RABGAP1L: variants seen among roughly 807,000 people sequenced by gnomAD.
RABGAP1L encodes the protein RAB GTPase activating protein 1 like.
In RABGAP1L, 63 loss-of-function variants were observed where a neutral mutation model predicts 137.7. That is an observed-to-expected ratio of 0.46 (90% CI 0.37 to 0.56). The LOEUF (loss-of-function observed/expected upper bound fraction) is 0.56, where lower values mean the gene tolerates loss of function less well. RABGAP1L is among the 20% of genes least tolerant of loss of function. The pLI, the probability that RABGAP1L is intolerant of heterozygous loss-of-function variation, is 0.00. For missense variants in RABGAP1L, 1,095 were observed against 1,244.0 expected, an observed-to-expected ratio of 0.88 and a Z score of 1.80; for synonymous variants, 431 against 433.7, an observed-to-expected ratio of 0.99 and a Z score of 0.08.
chr1:174,264,318 A>G (rs1673860466), intron 7 of RABGAP1L, among the ~76,000 whole-genome samples: 1 of 152,074 alleles, frequency 6.6e-6, no homozygotes, highest in African/African-American at 2.4e-5. Flanking sequence ...CCTGCTTTTA[A>G]GGCTAATTTT....
chr1:174,793,208 A>G (rs1336656117), intron 18 of RABGAP1L, among the ~76,000 whole-genome samples: 2 of 152,160 alleles, frequency 1.3e-5, no homozygotes, highest in African/African-American at 4.8e-5. Context: ...ACCATAAGAC[A>G]TTCTTACATT....
intron 13 of RABGAP1L, among the ~76,000 whole-genome samples, chr1:174,469,191 T>A (rs988387640): frequency 2.6e-5 from 4 of 152,182 alleles, no homozygotes; most frequent in Admixed American, 6.6e-5. Flanking sequence ...TGATTTGTAG[T>A]CCCAGGTAAT....
chr1:174,946,936 A>ATGTGTGTGTGTG lies in RABGAP1L; in HGVS notation c.2341-10520_2341-10519insGTGTGTGTGTGT, dbSNP rs1311067728. Among the ~76,000 whole-genome samples, 3 of 65,064 alleles carry ATGTGTGTGTGTG rather than the reference A, an allele frequency of 4.6e-5. 1 individual carries two copies. Among genetic ancestry groups the ATGTGTGTGTGTG allele is most frequent in the African/African-American group, 2.4e-4 (3 of 12,310 alleles). 42.7% of individuals were successfully genotyped at this position (65,064 alleles called of 152,430 possible). On this transcript the variant is annotated intron_variant, in intron 19 of 25. Coordinates refer to ENST00000681986, the MANE Select transcript of RABGAP1L (RefSeq NM_001366446.1). ...AAAAAAAATATATATATATATATATATATATGTGTGTGTGTGTGTGTGTGT... is the reference window on the plus strand; with the variant it reads ...AAAAAAAATATATATATATATATATATGTGTGTGTGTGTATATGTGTGTGTGTGTGTGTGTGT...
At chr1:174,459,443 C>T (rs1039410905) in intron 13 of RABGAP1L, among the ~76,000 whole-genome samples, 3 of 152,026 alleles carry the variant, frequency 2.0e-5, no homozygotes, top group Non-Finnish European at 2.9e-5. Flanking sequence ...GGATTGGTTC[C>T]GGGATGCCCC....
chr1:174,729,437 T>C (rs1682273424), intron 17 of RABGAP1L, among the ~76,000 whole-genome samples: 1 of 152,092 alleles, frequency 6.6e-6, no homozygotes, highest in East Asian at 1.9e-4. Context: ...TATGACTAAG[T>C]CCTCAAAAGC....
chr1:174,936,844 A>G (rs574228636), intron 19 of RABGAP1L, among the ~76,000 whole-genome samples: 24 of 152,268 alleles, frequency 1.6e-4, no homozygotes, highest in African/African-American at 5.5e-4. Flanking sequence ...TTTGCATTTT[A>G]TAGCTTCAAT....
chr1:174,849,663 ATTTTC>A (rs987244027), intron 19 of RABGAP1L: 139 of 407,018 alleles, frequency 3.4e-4, no homozygotes, highest in Non-Finnish European at 6.0e-4. Context: ...ATTTGTTGTG[ATTTTC>A]TTCATTTTGA....
chr1:174,462,751 TA>T (rs1656830848), intron 13 of RABGAP1L, among the ~76,000 whole-genome samples: 1 of 152,160 alleles, frequency 6.6e-6, no homozygotes, highest in African/African-American at 2.4e-5. Flanking sequence ...TACCAATGTT[TA>T]GCTCTCTCTT....
intron 14 of RABGAP1L, among the ~76,000 whole-genome samples, chr1:174,650,672 G>A (rs1294631442): frequency 6.6e-6 from 1 of 151,504 alleles, no homozygotes; most frequent in African/African-American, 2.4e-5. Flanking sequence ...TGTGGGATCG[G>A]TGGTGATATC....
intron 13 of RABGAP1L, among the ~76,000 whole-genome samples, chr1:174,520,605 T>G (rs1227775146): frequency 6.6e-6 from 1 of 152,372 alleles, no homozygotes; most frequent in South Asian, 2.1e-4. Flanking sequence ...CCAGTAAATA[T>G]TTTAGAATAT....
At chr1:174,902,729 G>C (rs1658351245) in intron 19 of RABGAP1L, among the ~76,000 whole-genome samples, 1 of 152,174 alleles carries the variant, frequency 6.6e-6, no homozygotes, top group Admixed American at 6.5e-5. Flanking sequence ...CTTGGCTGGG[G>C]GTGGAGTTTC....
At chr1:174,307,937 G>A (rs1190511386) in intron 11 of RABGAP1L, among the ~76,000 whole-genome samples, 1 of 152,088 alleles carries the variant, frequency 6.6e-6, no homozygotes, top group East Asian at 1.9e-4. Context: ...TCTACCAATA[G>A]TGTTCAAGGG....
chr1:174,470,159 G>T (rs1353536490), intron 13 of RABGAP1L, among the ~76,000 whole-genome samples: 2 of 151,958 alleles, frequency 1.3e-5, no homozygotes, highest in African/African-American at 4.8e-5. Context: ...TCCCCATCTC[G>T]CAGAATAGAT....
chr1:174,915,945 G>A (rs1660794187), intron 19 of RABGAP1L, among the ~76,000 whole-genome samples: 1 of 151,826 alleles, frequency 6.6e-6, no homozygotes, highest in Admixed American at 6.6e-5. Context: ...TTTCTTTTAT[G>A]GATTATGCTT....
At chr1:174,523,184 G>A (rs1163546306) in intron 13 of RABGAP1L, among the ~76,000 whole-genome samples, 1 of 152,182 alleles carries the variant, frequency 6.6e-6, no homozygotes, top group Non-Finnish European at 1.5e-5. Context: ...TTCCCTGGGA[G>A]TTCCCCAGGG....
At chr1:174,324,241 T>C (rs948108669) in intron 11 of RABGAP1L, among the ~76,000 whole-genome samples, 1 of 152,080 alleles carries the variant, frequency 6.6e-6, no homozygotes, top group African/African-American at 2.4e-5. Flanking sequence ...ATGTAAGAAA[T>C]GAGGGGTGCA....
At chr1:174,643,522 G>A (rs933899036) in intron 14 of RABGAP1L, among the ~76,000 whole-genome samples, 4 of 152,172 alleles carry the variant, frequency 2.6e-5, no homozygotes, top group African/African-American at 7.2e-5. Context: ...ACTTCCTTAC[G>A]GAACAGTGAA....
intron 13 of RABGAP1L, among the ~76,000 whole-genome samples, chr1:174,493,553 T>C (rs986830482): frequency 1.8e-4 from 27 of 151,730 alleles, no homozygotes; most frequent in Non-Finnish European, 2.9e-4. Context: ...GATGTGGTGG[T>C]TCATGCGTGT....
At chr1:174,283,334 A>G (rs1470186826) in intron 10 of RABGAP1L, among the ~76,000 whole-genome samples, 2 of 151,864 alleles carry the variant, frequency 1.3e-5, no homozygotes, top group African/African-American at 4.8e-5. Context: ...TGAGCCCAGG[A>G]GGTTGAGGCT....
Sources: allele counts gnomAD v4.1 joint callset (sites outside exome capture counted in the v4.1 genomes callset), GRCh38; gene constraint gnomAD v4.1.1; transcripts MANE v1.5; gene names NCBI Gene and HGNC (gene_info 2026-07-23, HGNC 2026-07-21).